Variants in TNFRSF14 observed in about 807,000 individuals in gnomAD.
TNFRSF14 encodes the protein tumor necrosis factor receptor superfamily member 14.
A neutral mutation model predicts 34.1 loss-of-function variants in TNFRSF14; 18 were observed. The observed-to-expected ratio is 0.53, with a 90% confidence interval of 0.36 to 0.78. The LOEUF is 0.78. Ranked by LOEUF, TNFRSF14 falls within the 30% of genes least tolerant of loss-of-function variation. The pLI is 0.00. For missense variants in TNFRSF14, 352 were observed against 379.5 expected, an observed-to-expected ratio of 0.93 and a Z score of 0.60; for synonymous variants, 157 against 153.2, an observed-to-expected ratio of 1.02 and a Z score of -0.18.
rs1400812845 is a variant in TNFRSF14, at chr1:2,556,392, T to A, written c.-273T>A. The A allele has an allele frequency of 1.5e-6, 1 of 676,302 alleles. No homozygotes were observed. Among genetic ancestry groups the A allele is most frequent in the Non-Finnish European group, 2.7e-6 (1 of 368,488 alleles). 41.9% of individuals were successfully genotyped at this position (676,302 alleles called of 1,614,324 possible). ...CTTCATACCGGCCCTTCCCCTCGGC[T>A]TTGCCTGGACAGCTCCTGCCTCCCG... On this transcript the variant is annotated 5_prime_UTR_variant, in exon 1 of 8. Coordinates refer to ENST00000355716, the MANE Select transcript of TNFRSF14 (RefSeq NM_003820.4).
At position 2,563,196 on chromosome 1, in the gene TNFRSF14, C is replaced by T. The variant is rs1419761108; in HGVS notation, c.775C>T (p.Gln259Ter). The T allele has an allele frequency of 6.2e-6, 10 of 1,613,490 alleles. No homozygotes were observed. Among genetic ancestry groups the T allele is most frequent in the Non-Finnish European group, 8.5e-6 (10 of 1,180,020 alleles). ...TGAGGCCACAGTCATTGAGGCCCTG[C>T]AGGCCCCTCCGGACGTCACCACGGT... Reference protein sequence around the residue: ...EGEATVIEALQAPPDVTTVAV... With the variant: ...EGEATVIEAL Residue 259 changes from glutamine to a stop codon, truncating the protein, a stop_gained, in exon 8 of 8, where the codon CAG becomes TAG. Transcript: ENST00000355716. LOFTEE classifies it low-confidence loss of function (END_TRUNC).
In TNFRSF14 at chr1:2,559,809, C is replaced by T. The variant is rs1376931006; in HGVS notation, c.305-14C>T. Reference sequence around the variant, plus strand: ...CTCCACGTACCCCTCTCAGCCCCTCCTCTTGGACTCCAGCCATGGGCCTGC... The same window carrying T: ...CTCCACGTACCCCTCTCAGCCCCTCTTCTTGGACTCCAGCCATGGGCCTGC... On this transcript the variant is annotated splice_polypyrimidine_tract_variant and intron_variant, in intron 3 of 7. Transcript: ENST00000355716. 2 of 1,603,726 alleles carry T rather than the reference C, an allele frequency of 1.2e-6. No individual in the cohort carries two copies. Among genetic ancestry groups the T allele is most frequent in the Non-Finnish European group, 1.7e-6 (2 of 1,176,740 alleles).
chr1:2,563,003 GA>G, intron 7 of TNFRSF14, 107 bp downstream of exon 7: 2 of 1,547,658 alleles, frequency 1.3e-6, no homozygotes, highest in Non-Finnish European at 1.8e-6. Context: ...CCAGTTCTCT[GA>G]GGGTCCTGAG....
At position 2,563,313 on chromosome 1, in the gene TNFRSF14, C is replaced by T. The variant is rs1172462410; in HGVS notation, c.*40C>T. ...ACCCCGACGCCAGAGATACCTGGAG[C>T]GACGGCTGCTGAAAGAGGCTGTCCA... is the stretch of plus-strand genomic sequence containing the variant. On this transcript the variant is annotated 3_prime_UTR_variant, in exon 8 of 8. Transcript: ENST00000355716. The T allele has an allele frequency of 8.7e-6, 14 of 1,604,410 alleles. No individual in the cohort carries two copies. Among genetic ancestry groups the T allele is most frequent in the South Asian group, 4.4e-5 (4 of 90,822 alleles).
chr1:2,563,067 A>G, intron 7 of TNFRSF14, 81 bp from the exon 8 acceptor site: 1 of 1,598,344 alleles, frequency 6.3e-7, no homozygotes, highest in East Asian at 2.2e-5. Context: ...CCTCAAACTG[A>G]AAGCAGTAAA....
chr1:2,563,729 C>T lies in TNFRSF14; in HGVS notation c.*456C>T, dbSNP rs1055584. On this transcript the variant is annotated 3_prime_UTR_variant, in exon 8 of 8. Coordinates refer to ENST00000355716, the MANE Select transcript of TNFRSF14 (RefSeq NM_003820.4). ...TGGATACCACATCGGAAGTGATTTT[C>T]TAAATTGGATTTGAATTCGGCTCCT... 2 of 240,152 alleles carry T rather than the reference C, an allele frequency of 8.3e-6. No homozygotes were observed. Among genetic ancestry groups the T allele is most frequent in the Non-Finnish European group, 8.1e-6 (1 of 122,966 alleles). 14.9% of individuals were successfully genotyped at this position (240,152 alleles called of 1,614,324 possible).
intron 6 of TNFRSF14, chr1:2,562,613 G>A (rs1191923042): frequency 1.6e-6 from 1 of 606,240 alleles, no homozygotes; most frequent in East Asian, 2.8e-5. Flanking sequence ...TGCACTTGGG[G>A]GCCTCAGCTG....
At chr1:2,557,407 G>A (rs1051576270) in intron 1 of TNFRSF14, among the ~76,000 whole-genome samples, 1 of 152,208 alleles carries the variant, frequency 6.6e-6, no homozygotes, top group African/African-American at 2.4e-5. Flanking sequence ...GGGGCCGGCA[G>A]GTTGTCTGCC....
intron 4 of TNFRSF14, 80 bp from the exon 5 acceptor site, chr1:2,560,544 C>T: frequency 9.3e-7 from 1 of 1,079,318 alleles, no homozygotes; most frequent in Non-Finnish European, 1.4e-6. Flanking sequence ...TCTAGAAGCT[C>T]ACAGACAAGC....
At chr1:2,562,647 G>C (rs1156550056) in intron 6 of TNFRSF14, 2 of 655,802 alleles carry the variant, frequency 3.0e-6, no homozygotes, top group Non-Finnish European at 5.4e-6. Flanking sequence ...GGCGCCCCCA[G>C]TCCTATCACC....
At chr1:2,556,315 A>G, upstream of TNFRSF14, 1 of 590,498 alleles carries the variant, frequency 1.7e-6, no homozygotes, top group Non-Finnish European at 3.2e-6. Context: ...GGAAACCCGG[A>G]GTGGACTGGA....
chr1:2,561,585 G>A lies in TNFRSF14; in HGVS notation c.552-88G>A. The stretch of plus-strand genomic sequence containing the variant: ...CTGGGACCTGTCTTCACTGCCTGGG[G>A]CCCTGGGAGCCAGGGAGGCTCCCTG... On this transcript the variant is annotated intron_variant, in intron 5 of 7. Transcript: ENST00000355716. The surrounding 1 kb of genome is among the most constrained non-coding windows in gnomAD (Gnocchi z 6.0). 6.3e-7 allele frequency: 1 copy of A among 1,599,184 alleles called. No homozygotes were observed. Among genetic ancestry groups the A allele is most frequent in the Non-Finnish European group, 8.5e-7 (1 of 1,173,136 alleles).
In TNFRSF14 at chr1:2,558,465, C is replaced by G. The variant is rs1317617183; in HGVS notation, c.301C>G (p.Pro101Ala). 6.2e-7 allele frequency: 1 copy of G among 1,613,094 alleles called. No individual in the cohort carries two copies. Among genetic ancestry groups the G allele is most frequent in the Admixed American group, 1.7e-5 (1 of 59,926 alleles). Residue 101 changes from proline to alanine, a missense_variant, in exon 3 of 8, where the codon CCA becomes GCA. By Grantham distance (27) the Pro-to-Ala change is conservative. Transcript: ENST00000355716. ...SKCLQCQMCD[P>A]AMGLRASRNC... The stretch of plus-strand genomic sequence containing the variant: ...GTGTCTGCAGTGCCAAATGTGTGAC[C>G]CAGGTAAGAGGCCAGCACAGCCGGC...
chr1:2,558,229 G>T, intron 2 of TNFRSF14, 114 bp from the exon 3 acceptor site: 1 of 1,452,440 alleles, frequency 6.9e-7, no homozygotes, highest in Non-Finnish European at 9.1e-7. Flanking sequence ...TGGGCCATTT[G>T]AGTCCCCTTA....
intron 6 of TNFRSF14, chr1:2,562,620 G>A: frequency 1.6e-6 from 1 of 611,282 alleles, no homozygotes; most frequent in Admixed American, 2.8e-5. Context: ...GGGGGCCTCA[G>A]CTGGGGAGGT....
intron 4 of TNFRSF14, among the ~76,000 whole-genome samples, chr1:2,560,345 C>T (rs1644289442): frequency 6.6e-6 from 1 of 152,150 alleles, no homozygotes; most frequent in African/African-American, 2.4e-5. Context: ...CCAGCCCTGG[C>T]CTGCATCTGG....
Position 2,563,450 on chromosome 1 carries a change from C to A in TNFRSF14, c.*177C>A. 1.0e-6 allele frequency: 1 copy of A among 1,000,354 alleles called. No homozygotes were observed. Among genetic ancestry groups the A allele is most frequent in the Non-Finnish European group, 1.4e-6 (1 of 700,402 alleles). The allele number at this position is 1,000,354 out of a possible 1,614,324, so 62.0% of individuals were successfully genotyped here. ...CCTGCTGGGGTAGAGCTGGGGACGCCACGTGCCATTCCCATGGGCCAGTGA... is the reference window on the plus strand; with the variant it reads ...CCTGCTGGGGTAGAGCTGGGGACGCAACGTGCCATTCCCATGGGCCAGTGA... On this transcript the variant is annotated 3_prime_UTR_variant, in exon 8 of 8. Coordinates refer to ENST00000355716, the MANE Select transcript of TNFRSF14 (RefSeq NM_003820.4).
rs2100860482 is a variant in TNFRSF14 at position 2,561,768 on chromosome 1, G to T, written c.647G>T (p.Cys216Phe). The change falls in exon 6 of 8, where the codon TGC becomes TTC. Residue 216 changes from cysteine to phenylalanine, a missense_variant. Physicochemically the swap from Cys to Phe is radical, Grantham distance 205. Transcript: ENST00000355716. This position sits in a 1 kb window ranked among gnomAD's most constrained non-coding sequence, Gnocchi z 6.0. ...LSGSLVIVIV[C>F]STVGLIICVK... ...GGGAGCCTCGTCATCGTCATTGTTT[G>T]CTCCACAGTTGGCCTAATCATATGT... 1.2e-6 allele frequency: 2 copies of T among 1,613,892 alleles called. No individual in the cohort carries two copies. Among genetic ancestry groups the T allele is most frequent in the Non-Finnish European group, 1.7e-6 (2 of 1,180,002 alleles).
Position 2,556,599 on chromosome 1 carries a change from C to G in TNFRSF14, c.-66C>G. On this transcript the variant is annotated 5_prime_UTR_variant, in exon 1 of 8. Coordinates refer to ENST00000355716, the MANE Select transcript of TNFRSF14 (RefSeq NM_003820.4). ...CTGGCCCACAGCCGCAGCAATGGCG[C>G]TGAGTTCCTCTGCTGGAGTTCATCC... 6.7e-7 allele frequency: 1 copy of G among 1,486,010 alleles called. No homozygotes were observed. The highest frequency in any genetic ancestry group is 1.2e-5 in the South Asian group (1 of 84,874). The allele number at this position is 1,486,010 out of a possible 1,614,324, so 92.1% of individuals were successfully genotyped here.
Sources: gnomAD v4.1 joint callset for allele counts (sites outside exome capture counted in the v4.1 genomes callset) on GRCh38, gnomAD v4.1.1 for gene constraint, Gnocchi (gnomAD v3.1) non-coding constraint, MANE v1.5 for transcripts, NCBI Gene and HGNC (gene_info 2026-07-23, HGNC 2026-07-21) for gene names.